C4orf50: variants seen among roughly 807,000 people sequenced by gnomAD.
C4orf50 encodes uncharacterized protein C4orf50.
A neutral mutation model predicts 77.2 loss-of-function variants in C4orf50; 80 were observed. The ratio of observed to expected loss-of-function variants is 1.04; its 90% CI spans 0.87 to 1.25. The LOEUF (loss-of-function observed/expected upper bound fraction) is 1.25. Ranked by LOEUF, C4orf50 falls within the 50% of genes most tolerant of loss-of-function variation. The probability of loss-of-function intolerance (pLI) is 0.00; values close to 1 mark genes in which losing one functional copy is unlikely to be tolerated. For synonymous variants in C4orf50, 532 were observed against 465.3 expected, an observed-to-expected ratio of 1.14 and a Z score of -1.84; for missense variants, 1,257 against 1,152.9, an observed-to-expected ratio of 1.09 and a Z score of -1.31.
chr4:5,912,263 G>A (rs1453626250), intron 7 of C4orf50, among the ~76,000 whole-genome samples: 2 of 65,060 alleles, frequency 3.1e-5, no homozygotes, highest in Non-Finnish European at 5.3e-5. Context: ...ACTCGTGTGT[G>A]TGTGTGTGTG....
At chr4:5,988,587 C>T (rs1445182460) in exon 28 of C4orf50, 2 of 1,536,492 alleles carry the variant, frequency 1.3e-6, no homozygotes, top group East Asian at 2.4e-5. Context: ...TCATTTCCTC[C>T]TCCAAGGGTG....
In C4orf50 at chr4:6,009,372, C is replaced by T. The variant is rs888901282; in HGVS notation, c.427-840G>A. 6.6e-6 allele frequency among the ~76,000 whole-genome samples: 1 copy of T among 152,168 alleles called. No individual in the cohort carries two copies. Among genetic ancestry groups the T allele is most frequent in the Non-Finnish European group, 1.5e-5 (1 of 68,030 alleles). On this transcript the variant is annotated intron_variant, in intron 24 of 33. Coordinates refer to ENST00000531445, the Ensembl canonical transcript of C4orf50. This position sits in a 1 kb window ranked among gnomAD's most constrained non-coding sequence, Gnocchi z 5.6. ...CTGTCACCTGCCGCTGCTCTTCTGC[C>T]GGGGAGCTTCCGGAAAACAAAAACA...
chr4:6,014,284 G>A (rs989546162), intron 23 of C4orf50, among the ~76,000 whole-genome samples: 6 of 152,108 alleles, frequency 3.9e-5, no homozygotes, highest in Non-Finnish European at 7.4e-5. Flanking sequence ...TTACAGACGC[G>A]AGCAACCGGG....
At chr4:5,986,448 G>A (rs905131120) in intron 28 of C4orf50, among the ~76,000 whole-genome samples, 1 of 151,918 alleles carries the variant, frequency 6.6e-6, no homozygotes, top group African/African-American at 2.4e-5. Flanking sequence ...GCTATTTTAG[G>A]TTTTTTGTTG....
intron 25 of C4orf50, among the ~76,000 whole-genome samples, chr4:5,998,962 G>A (rs1721713886): frequency 6.6e-6 from 1 of 152,142 alleles, no homozygotes; most frequent in South Asian, 2.1e-4. Context: ...TCCTTGCAGT[G>A]GTCCGTTCCT....
chr4:5,900,041 C>G lies in C4orf50; in HGVS notation c.*2475-1853G>C, dbSNP rs930866055. ...CTCAACAGAGAAAAACAGGTTGTGT[C>G]TAAAATATGTCAGAAATGTCTCGCA... On this transcript the variant is annotated intron_variant, in intron 7 of 7. Coordinates refer to the C4orf50 transcript ENST00000324058. The surrounding 1 kb of genome is among the most constrained non-coding windows in gnomAD (Gnocchi z 4.3). The G allele has an allele frequency of 7.2e-5, 11 of 152,152 alleles. No individual in the cohort carries two copies. The highest frequency in any genetic ancestry group is 2.7e-4 in the African/African-American group (11 of 41,444). 9.4% of individuals were successfully genotyped at this position (152,152 alleles called of 1,614,324 possible). A position where few individuals can be genotyped will look rare whatever the true frequency, so the allele number is the denominator to read the frequency against.
chr4:5,947,354 C>G (rs9683432), intron 7 of C4orf50, among the ~76,000 whole-genome samples: 10,018 of 152,118 alleles, frequency 0.066, 428 homozygotes, highest in African/African-American at 0.11. Context: ...GAACTCAATG[C>G]CCTTGGCCCT....
chr4:5,970,794 C>T lies in C4orf50; in HGVS notation c.4104+2865G>A, dbSNP rs1719864732. On this transcript the variant is annotated intron_variant, in intron 31 of 33. Transcript: ENST00000531445. This position sits in a 1 kb window ranked among gnomAD's most constrained non-coding sequence, Gnocchi z 4.3. ...TAGTGGCCTCAGCCCAAGGCCCAGCCCCCACCCCCTCAACAGCCCTGGGAC... is the reference window on the plus strand; with the variant it reads ...TAGTGGCCTCAGCCCAAGGCCCAGCTCCCACCCCCTCAACAGCCCTGGGAC... Among the ~76,000 whole-genome samples the T allele has an allele frequency of 6.6e-6, 1 of 152,226 alleles. No homozygotes were observed. The highest frequency in any genetic ancestry group is 1.5e-5 in the Non-Finnish European group (1 of 68,038).
At chr4:5,994,304 G>A in intron 26 of C4orf50, 43 bp downstream of exon 4, 1 of 399,126 alleles carries the variant, frequency 2.5e-6, no homozygotes, top group Non-Finnish European at 4.4e-6. Context: ...TTCAGTGGGT[G>A]CTGCCCGCGA....
rs568508077 is a variant in C4orf50 at position 6,018,491 on chromosome 4, A to G, written c.-60T>C. 5.5e-5 allele frequency: 22 copies of G among 398,614 alleles called. No individual in the cohort carries two copies. The highest frequency in any genetic ancestry group is 8.4e-5 in the Non-Finnish European group (19 of 226,050). The allele number at this position is 398,614 out of a possible 1,614,324, so 24.7% of individuals were successfully genotyped here. A position where few individuals can be genotyped will look rare whatever the true frequency, so the allele number is the denominator to read the frequency against. On this transcript the variant is annotated 5_prime_UTR_variant, in exon 23 of 34. Transcript: ENST00000531445. This position sits in a 1 kb window ranked among gnomAD's most constrained non-coding sequence, Gnocchi z 5.1. ...AAAATTAAGTGAGTTTGCAACATTG[A>G]CTTCCCGGAGATTTCAAGGTGGTGT...
chr4:6,004,327 G>C (rs1349887459), intron 25 of C4orf50, among the ~76,000 whole-genome samples: 1 of 126,482 alleles, frequency 7.9e-6, no homozygotes, highest in Non-Finnish European at 1.6e-5. Flanking sequence ...GATCGTAATG[G>C]TGATGATGGT....
chr4:6,014,204 G>A (rs556401937), intron 23 of C4orf50, among the ~76,000 whole-genome samples: 3 of 152,230 alleles, frequency 2.0e-5, no homozygotes, highest in African/African-American at 7.2e-5. Flanking sequence ...GTTTCTCCAT[G>A]TTGGTCAGGC....
intron 7 of C4orf50, among the ~76,000 whole-genome samples, chr4:5,929,235 C>G (rs1210762192): frequency 6.6e-6 from 1 of 152,170 alleles, no homozygotes; most frequent in Non-Finnish European, 1.5e-5. Context: ...ACCAAGAACC[C>G]CCAGAGCGGC....
rs527435872 is a variant in C4orf50 at position 5,914,244 on chromosome 4, G to A, written c.*2475-16056C>T. Reference sequence around the variant, plus strand: ...TTTTTTTTTGGAGTCTCGCTCTGTCGCCCAGGCTGGAGGGCAGTGGCGCAA... The same window carrying A: ...TTTTTTTTTGGAGTCTCGCTCTGTCACCCAGGCTGGAGGGCAGTGGCGCAA... On this transcript the variant is annotated intron_variant, in intron 7 of 7. Coordinates refer to the C4orf50 transcript ENST00000324058. Among the ~76,000 whole-genome samples the A allele has an allele frequency of 1.7e-3, 216 of 125,584 alleles. 1 individual carries two copies. The highest frequency in any genetic ancestry group is 2.8e-3 in the Non-Finnish European group (178 of 64,234). The allele number at this position is 125,584 out of a possible 152,430, so 82.4% of individuals were successfully genotyped here.
intron 7 of C4orf50, among the ~76,000 whole-genome samples, chr4:5,946,098 C>A (rs899358475): frequency 6.6e-6 from 1 of 152,220 alleles, no homozygotes; most frequent in Non-Finnish European, 1.5e-5. Context: ...CCTCCAGGAG[C>A]GGCAGCGCCC....
chr4:5,964,114 GA>G (rs1719418669), intron 33 of C4orf50, among the ~76,000 whole-genome samples: 1 of 152,182 alleles, frequency 6.6e-6, no homozygotes, highest in African/African-American at 2.4e-5. Flanking sequence ...ATACAGAAGA[GA>G]AGCCAAGAAA....
Position 5,970,007 on chromosome 4 carries a change from T to A in C4orf50, c.4105-2545A>T, listed in dbSNP as rs1719813699. On this transcript the variant is annotated intron_variant, in intron 31 of 33. Transcript: ENST00000531445. The surrounding 1 kb of genome is among the most constrained non-coding windows in gnomAD (Gnocchi z 4.3). ...CCCAGGTGAGCCCCGGCAACCCTCTTCTCCTCTCCTTTGGTACCCGGGCCT... is the reference window on the plus strand; with the variant it reads ...CCCAGGTGAGCCCCGGCAACCCTCTACTCCTCTCCTTTGGTACCCGGGCCT... 6.6e-6 allele frequency among the ~76,000 whole-genome samples: 1 copy of A among 151,998 alleles called. No individual in the cohort carries two copies. The highest frequency in any genetic ancestry group is 2.4e-5 in the African/African-American group (1 of 41,392).
At chr4:5,959,306 A>C in exon 34 of C4orf50, 1 of 1,517,626 alleles carries the variant, frequency 6.6e-7, no homozygotes, top group South Asian at 1.3e-5. Flanking sequence ...TTCTTAAAGC[A>C]CTCTCTGAAG....
chr4:6,013,937 G>C (rs1382108429), intron 23 of C4orf50, among the ~76,000 whole-genome samples: 1 of 151,968 alleles, frequency 6.6e-6, no homozygotes, highest in Admixed American at 6.5e-5. Context: ...GACAGTGAAG[G>C]AACACTGTTC....
Sources: allele counts gnomAD v4.1 joint callset (sites outside exome capture counted in the v4.1 genomes callset), GRCh38; gene constraint gnomAD v4.1.1; non-coding constraint Gnocchi (gnomAD v3.1); transcripts MANE v1.5; gene names NCBI Gene and HGNC (gene_info 2026-07-23, HGNC 2026-07-21).